Variants in SANBR observed in about 807,000 individuals in gnomAD.
The protein encoded by SANBR is SANT and BTB domain regulator of CSR, also known as SANT and BTB domain regulator of class switch recombination.
Under a neutral mutation model 101.8 loss-of-function variants are expected in SANBR, and 77 were observed. The observed-to-expected ratio is 0.76, with a 90% CI of 0.63 to 0.91. The LOEUF (loss-of-function observed/expected upper bound fraction) is 0.91, where lower values mean the gene tolerates loss of function less well. Ranked by LOEUF, SANBR falls within the 40% of genes least tolerant of loss-of-function variation. The probability of loss-of-function intolerance (pLI) is 0.00; values close to 1 mark genes in which losing one functional copy is unlikely to be tolerated. For missense variants in SANBR, 875 were observed against 853.0 expected (o/e 1.03, Z -0.32); for synonymous variants, 279 against 274.7 (o/e 1.02, Z -0.15).
Position 61,116,015 on chromosome 2 carries a change from C to G in SANBR, c.1781C>G (p.Pro594Arg), listed in dbSNP as rs777811303. The change falls in exon 17 of 22, where the codon CCA (proline) becomes CGA (arginine). Residue 594 changes from proline (P) to arginine (R), a missense_variant. Coordinates refer to ENST00000402291, the MANE Select transcript of SANBR (RefSeq NM_001129993.3). ...KEKPKKFTRQPKKQVSSPCAQ... is the reference protein window; with the variant it reads ...KEKPKKFTRQRKKQVSSPCAQ... ...AAGCCAAAGAAGTTCACTAGACAAC[C>G]AAAAAAGCAGGTATCTTCACCCTGT... 4 of 1,611,660 alleles carry G rather than the reference C, an allele frequency of 2.5e-6. No individual in the cohort carries two copies. Among genetic ancestry groups the G allele is most frequent in the Admixed American group, 3.4e-5 (2 of 59,438 alleles).
chr2:61,117,986 C>A (rs1684155024), intron 19 of SANBR, 42 bp from the exon 20 acceptor site: 1 of 1,442,806 alleles, frequency 6.9e-7, no homozygotes, highest in Non-Finnish European at 9.7e-7. Flanking sequence ...AGTTATATAT[C>A]ATCCTTATGA....
chr2:61,113,508 A>G (rs896305105), intron 16 of SANBR, among the ~76,000 whole-genome samples: 1 of 152,088 alleles, frequency 6.6e-6, no homozygotes, highest in African/African-American at 2.4e-5. Flanking sequence ...TCTCTCAACA[A>G]TGTTTTGTAG....
rs552583508 is a variant in SANBR at position 61,094,722 on chromosome 2, C to T, written c.1212+2135C>T. 4.2e-4 allele frequency among the ~76,000 whole-genome samples: 61 copies of T among 145,600 alleles called. 1 individual carries two copies. The highest frequency in any genetic ancestry group is 1.5e-3 in the African/African-American group (60 of 39,266). On this transcript the variant is annotated intron_variant, in intron 11 of 21. Transcript: ENST00000402291. ...GCGCTGGCGCCATCTTGGCTCACTG[C>T]AACCTCCACCTCCCAGGTTCAAGCG...
intron 21 of SANBR, among the ~76,000 whole-genome samples, chr2:61,135,329 A>G (rs1022017059): frequency 2.0e-5 from 3 of 152,242 alleles, no homozygotes; most frequent in African/African-American, 7.2e-5. Context: ...ATGATTAGTC[A>G]TATAATACCA....
intron 17 of SANBR, among the ~76,000 whole-genome samples, chr2:61,116,295 A>G (rs1037068556): frequency 4.6e-5 from 7 of 152,160 alleles, no homozygotes; most frequent in Non-Finnish European, 8.8e-5. Context: ...TGTAAAGTAG[A>G]TGGGGGAAAT....
At chr2:61,103,495 C>A (rs1314993969) in intron 12 of SANBR, among the ~76,000 whole-genome samples, 1 of 152,100 alleles carries the variant, frequency 6.6e-6, no homozygotes, top group Non-Finnish European at 1.5e-5. Flanking sequence ...AGGAATGCAT[C>A]CTTAAGTGGC....
intron 4 of SANBR, among the ~76,000 whole-genome samples, chr2:61,072,652 C>A (rs1681535468): frequency 6.6e-6 from 1 of 151,414 alleles, no homozygotes; most frequent in South Asian, 2.1e-4. Context: ...CCAAAAAAAC[C>A]CACTTTACTG....
Position 61,105,116 on chromosome 2 carries a change from C to T in SANBR, c.1511+1118C>T, listed in dbSNP as rs1683492513. ...CTGTTCTTAGCCAGGCGTGGTGGCT[C>T]ACACCTTTAATCCCAGCACTTTGAG... On this transcript the variant is annotated intron_variant, in intron 13 of 21. Transcript: ENST00000402291. 2.6e-5 allele frequency among the ~76,000 whole-genome samples: 4 copies of T among 151,374 alleles called. No individual in the cohort carries two copies. In the South Asian group the frequency reaches 8.4e-4, roughly 32 times the overall value.
At chr2:61,085,368 C>G (rs1031899009) in intron 8 of SANBR, among the ~76,000 whole-genome samples, 82 of 152,136 alleles carry the variant, frequency 5.4e-4, no homozygotes, top group African/African-American at 1.9e-3. Context: ...ATCTAGTTGA[C>G]ACAATACCAT....
At chr2:61,112,868 T>TTATGG in intron 16 of SANBR, among the ~76,000 whole-genome samples, 1 of 152,362 alleles carries the variant, frequency 6.6e-6, no homozygotes, top group East Asian at 1.9e-4. Flanking sequence ...TTTTTCCTTT[T>TTATGG]TATGTTCCAT....
chr2:61,117,721 G>A (rs1364379111), intron 19 of SANBR, among the ~76,000 whole-genome samples, 181 bp downstream of exon 19: 1 of 152,170 alleles, frequency 6.6e-6, no homozygotes, highest in African/African-American at 2.4e-5. Flanking sequence ...ACTGAATAAT[G>A]TATTATTTTA....
chr2:61,097,762 T>C lies in SANBR; in HGVS notation c.1275T>C (p.Thr425=). The change falls in exon 12 of 22, where the codon ACT becomes ACC. Residue 425 remains threonine, a synonymous_variant. Transcript: ENST00000402291. ...QYHSETVVYP[T]AASSLNTVGT... ...ACTCAGAAACAGTGGTTTATCCTACTGCAGCAAGTTCATTGAATACTGTTG... is the reference window on the plus strand; with the variant it reads ...ACTCAGAAACAGTGGTTTATCCTACCGCAGCAAGTTCATTGAATACTGTTG... The C allele has an allele frequency of 1.2e-6, 2 of 1,612,970 alleles. No homozygotes were observed. The highest frequency in any genetic ancestry group is 1.7e-6 in the Non-Finnish European group (2 of 1,179,136).
At chr2:61,129,920 A>G (rs1181132422) in intron 20 of SANBR, among the ~76,000 whole-genome samples, 2 of 152,166 alleles carry the variant, frequency 1.3e-5, no homozygotes, top group Non-Finnish European at 2.9e-5. Context: ...AAGTAAAATT[A>G]TAACAATGTG....
intron 12 of SANBR, among the ~76,000 whole-genome samples, chr2:61,099,679 A>C (rs1217932012): frequency 6.6e-6 from 1 of 152,256 alleles, no homozygotes; most frequent in African/African-American, 2.4e-5. Context: ...AGTTAAAGCC[A>C]GCAGGTATAG....
At chr2:61,119,682 A>G (rs1210164414) in intron 20 of SANBR, among the ~76,000 whole-genome samples, 1 of 152,142 alleles carries the variant, frequency 6.6e-6, no homozygotes. Flanking sequence ...ATGAGGCCGG[A>G]TACAGTGGCT....
At chr2:61,072,881 G>A (rs951974158) in intron 4 of SANBR, among the ~76,000 whole-genome samples, 3 of 96,142 alleles carry the variant, frequency 3.1e-5, no homozygotes, top group Non-Finnish European at 6.2e-5. Context: ...TTTGGAGATG[G>A]TGGTTGCGCT....
chr2:61,129,656 G>A (rs1684625768), intron 20 of SANBR, among the ~76,000 whole-genome samples: 1 of 152,068 alleles, frequency 6.6e-6, no homozygotes, highest in Non-Finnish European at 1.5e-5. Context: ...GTGGATGGGA[G>A]CAAAGCTATA....
intron 11 of SANBR, among the ~76,000 whole-genome samples, chr2:61,092,906 G>C (rs1682841840): frequency 6.6e-6 from 1 of 152,008 alleles, no homozygotes; most frequent in Admixed American, 6.6e-5. Context: ...GGCCGAGGTG[G>C]GCGGATCACG....
At chr2:61,117,655 C>A (rs1684140369) in intron 19 of SANBR, 115 bp downstream of exon 19, 1 of 886,492 alleles carries the variant, frequency 1.1e-6, no homozygotes, top group Non-Finnish European at 1.8e-6. Flanking sequence ...AAAGTAAGGC[C>A]CCAAATTTGC....
Sources: gnomAD v4.1 joint callset for allele counts (sites outside exome capture counted in the v4.1 genomes callset) on GRCh38, gnomAD v4.1.1 for gene constraint, MANE v1.5 for transcripts, NCBI Gene and HGNC (gene_info 2026-07-23, HGNC 2026-07-21) for gene names.